MAGI1: variants seen among roughly 807,000 people sequenced by gnomAD.
MAGI1 encodes membrane associated guanylate kinase, WW and PDZ domain containing 1, also known as membrane-associated guanylate kinase, WW and PDZ domain-containing protein 1.
In MAGI1, 58 loss-of-function variants were observed where a neutral mutation model predicts 139.9. The ratio of observed to expected loss-of-function variants is 0.41; its 90% CI spans 0.34 to 0.52. The LOEUF is 0.52. Among genes scored for constraint, MAGI1 ranks in the 20% least tolerant of loss-of-function variants. The probability of loss-of-function intolerance (pLI) is 0.12; values close to 1 mark genes in which losing one functional copy is unlikely to be tolerated. For missense variants in MAGI1, 1,874 were observed against 1,901.6 expected (o/e 0.99, Z 0.27); for synonymous variants, 812 against 737.9 (o/e 1.10, Z -1.63).
intron 1 of MAGI1, among the ~76,000 whole-genome samples, chr3:65,633,835 C>T (rs1031446342): frequency 6.6e-6 from 1 of 152,116 alleles, no homozygotes; most frequent in Non-Finnish European, 1.5e-5. Context: ...GGCATGCCCT[C>T]GTAAACAGCT....
intron 2 of MAGI1, among the ~76,000 whole-genome samples, chr3:65,520,655 T>C (rs542556930): frequency 1.3e-5 from 2 of 152,262 alleles, no homozygotes; most frequent in Admixed American, 1.3e-4. Flanking sequence ...TTCTCAAAAA[T>C]GGAAGCTTCT....
At chr3:65,772,613 G>C (rs1400356029) in intron 1 of MAGI1, among the ~76,000 whole-genome samples, 1 of 152,226 alleles carries the variant, frequency 6.6e-6, no homozygotes, top group African/African-American at 2.4e-5. Flanking sequence ...CACTTCGTGA[G>C]AGTGAAGCAA....
chr3:65,624,320 G>C lies in MAGI1; in HGVS notation c.314-2232C>G, dbSNP rs1016253275. ...CCACAAAAAAAAAAATCTCGTAGAT[G>C]AATCTTCACAGCAACTTTACTTACA... On this transcript the variant is annotated intron_variant, in intron 1 of 22. Transcript: ENST00000402939. Among the ~76,000 whole-genome samples the C allele has an allele frequency of 4.0e-5, 6 of 150,724 alleles. No individual in the cohort carries two copies. The South Asian group carries it at 1.0e-3, about 26-fold the overall frequency.
intron 2 of MAGI1, among the ~76,000 whole-genome samples, chr3:65,561,066 C>G (rs1471765180): frequency 6.6e-6 from 1 of 152,136 alleles, no homozygotes; most frequent in Non-Finnish European, 1.5e-5. Flanking sequence ...AGACCTGGTA[C>G]TTTCCCTGTT....
chr3:65,802,742 C>A (rs1360887379), intron 1 of MAGI1, among the ~76,000 whole-genome samples: 1 of 152,174 alleles, frequency 6.6e-6, no homozygotes. Context: ...GAATGGATGA[C>A]TGAAGAATGC....
At chr3:65,439,281 A>AT (rs1385892417) in intron 9 of MAGI1, among the ~76,000 whole-genome samples, 1 of 152,172 alleles carries the variant, frequency 6.6e-6, no homozygotes, top group East Asian at 1.9e-4. Flanking sequence ...CGTATAAATT[A>AT]TTATCAGATT....
chr3:65,784,725 CAAA>C (rs1181131162), intron 1 of MAGI1, among the ~76,000 whole-genome samples: 2 of 35,054 alleles, frequency 5.7e-5, no homozygotes, highest in East Asian at 1.0e-3. Flanking sequence ...ACAACAACAA[CAAA>C]AAGAAAAGAA....
intron 1 of MAGI1, among the ~76,000 whole-genome samples, chr3:65,951,035 G>T (rs1477525312): frequency 2.6e-5 from 2 of 76,000 alleles, no homozygotes; most frequent in Non-Finnish European, 3.4e-5. Context: ...AAGGAAGGAA[G>T]GAAAGGAGGG....
At chr3:65,627,234 A>G (rs1027092662) in intron 1 of MAGI1, among the ~76,000 whole-genome samples, 2 of 152,164 alleles carry the variant, frequency 1.3e-5, no homozygotes, top group African/African-American at 4.8e-5. Context: ...GCTATACCAT[A>G]CAGCCTAGGT....
At chr3:65,451,521 T>C (rs1207910437) in intron 6 of MAGI1, among the ~76,000 whole-genome samples, 1 of 152,206 alleles carries the variant, frequency 6.6e-6, no homozygotes, top group Non-Finnish European at 1.5e-5. Flanking sequence ...GAGATACTTG[T>C]GTAATATACT....
At chr3:65,931,368 G>C (rs1233555319) in intron 1 of MAGI1, among the ~76,000 whole-genome samples, 1 of 152,146 alleles carries the variant, frequency 6.6e-6, no homozygotes, top group Non-Finnish European at 1.5e-5. Flanking sequence ...CTTTCACTTT[G>C]TGGATTTGCC....
intron 5 of MAGI1, among the ~76,000 whole-genome samples, chr3:65,459,828 G>T (rs946340900): frequency 6.0e-4 from 91 of 152,150 alleles, no homozygotes; most frequent in Admixed American, 6.0e-3. Context: ...GGAGGCTGAG[G>T]TGGGAGAATC....
intron 2 of MAGI1, among the ~76,000 whole-genome samples, chr3:65,553,431 T>C (rs2079943419): frequency 1.3e-5 from 2 of 152,204 alleles, no homozygotes; most frequent in South Asian, 2.1e-4. Flanking sequence ...ATTTTTTTAA[T>C]ATAACATCCC....
chr3:65,635,569 A>C (rs1358537702), intron 1 of MAGI1, among the ~76,000 whole-genome samples: 1 of 152,216 alleles, frequency 6.6e-6, no homozygotes, highest in Non-Finnish European at 1.5e-5. Context: ...CAGCCAAGGC[A>C]TAAGAGCAAG....
intron 12 of MAGI1, among the ~76,000 whole-genome samples, chr3:65,419,233 C>CACACACACACACACACACACACACACAT (rs1303506335): frequency 6.6e-5 from 10 of 151,620 alleles, no homozygotes; most frequent in African/African-American, 2.4e-4. Flanking sequence ...CACACACACA[C>CACACACACACACACACACACACACACAT]ACACACACAC....
At chr3:65,373,558 C>T (rs7652982) in intron 18 of MAGI1, among the ~76,000 whole-genome samples, 43,758 of 152,130 alleles carry the variant, frequency 0.29, 7,892 homozygotes, top group East Asian at 0.54. Context: ...CACAAACCTT[C>T]AATTTGTACA....
intron 1 of MAGI1, among the ~76,000 whole-genome samples, chr3:65,660,969 C>G (rs2086159317): frequency 6.6e-6 from 1 of 152,154 alleles, no homozygotes; most frequent in African/African-American, 2.4e-5. Context: ...ACAGGCACAT[C>G]AAACAAAACA....
intron 1 of MAGI1, among the ~76,000 whole-genome samples, chr3:65,925,897 T>C (rs2062477649): frequency 6.6e-6 from 1 of 152,166 alleles, no homozygotes; most frequent in Non-Finnish European, 1.5e-5. Context: ...AGGCTGGTCT[T>C]GAACTCCTAG....
At chr3:66,028,612 G>A (rs956492853) in intron 1 of MAGI1, among the ~76,000 whole-genome samples, 18 of 152,008 alleles carry the variant, frequency 1.2e-4, no homozygotes, top group African/African-American at 2.7e-4. Flanking sequence ...AAGAATCATC[G>A]TTGATGGTAA....
Sources: allele counts gnomAD v4.1 joint callset (sites outside exome capture counted in the v4.1 genomes callset), GRCh38; gene constraint gnomAD v4.1.1; transcripts MANE v1.5; gene names NCBI Gene and HGNC (gene_info 2026-07-23, HGNC 2026-07-21).